Variants in CD274 observed in about 807,000 individuals in gnomAD.
CD274 encodes the protein programmed cell death 1 ligand 1.
A neutral mutation model predicts 30.1 loss-of-function variants in CD274; 8 were observed. That is an observed-to-expected ratio of 0.27 (90% CI 0.16 to 0.48). The LOEUF is 0.48. CD274 is among the 20% of genes least tolerant of loss of function. The pLI is 0.99. For missense variants in CD274, 353 were observed against 346.6 expected (o/e 1.02, Z -0.15); for synonymous variants, 152 against 124.6 (o/e 1.22, Z -1.46).
At chr9:5,463,639 TG>T (rs1221046942) in intron 4 of CD274, among the ~76,000 whole-genome samples, 4 of 152,182 alleles carry the variant, frequency 2.6e-5, no homozygotes, top group African/African-American at 9.7e-5. Flanking sequence ...TTCTCCCCGG[TG>T]CCTCTCCCAA....
chr9:5,463,441 C>A (rs1442262383), intron 4 of CD274, among the ~76,000 whole-genome samples: 1 of 152,146 alleles, frequency 6.6e-6, no homozygotes, highest in African/African-American at 2.4e-5. Context: ...AAAAAACAGG[C>A]AATCCAACAC....
At chr9:5,465,103 A>G (rs1819474592) in intron 4 of CD274, among the ~76,000 whole-genome samples, 1 of 151,600 alleles carries the variant, frequency 6.6e-6, no homozygotes, top group Admixed American at 6.6e-5. Flanking sequence ...AAAAAAAAAA[A>G]GCAAGAGGAA....
rs905982602 is a variant in CD274, at chr9:5,450,567, C to A, written c.-44C>A. The A allele has an allele frequency of 2.0e-5, 3 of 152,442 alleles. No homozygotes were observed. The East Asian group carries it at 5.8e-4, about 29-fold the overall frequency. 9.4% of individuals were successfully genotyped at this position (152,442 alleles called of 1,614,324 possible). On this transcript the variant is annotated 5_prime_UTR_variant, in exon 1 of 7. Transcript: ENST00000381577. ...AGTTCTGCGCAGCTTCCCGAGGCTC[C>A]GCACCAGCCGCGCTTCTGTCCGCCT... is the stretch of plus-strand genomic sequence containing the variant.
Position 5,453,328 on chromosome 9 carries a change from C to CA in CD274, c.-15+2739dup, listed in dbSNP as rs1283712635. 2.0e-5 allele frequency among the ~76,000 whole-genome samples: 3 copies of CA among 152,144 alleles called. No individual in the cohort carries two copies. In the East Asian group the frequency reaches 5.8e-4, roughly 29 times the overall value. On this transcript the variant is annotated intron_variant, in intron 1 of 6. Coordinates refer to ENST00000381577, the MANE Select transcript of CD274 (RefSeq NM_014143.4). ...AAAATGATCAGATCTTTCAAATTAG[C>CA]AAAAAAATAATATTTTTTAAACAAT... is the stretch of plus-strand genomic sequence containing the variant.
chr9:5,465,103 A>AG (rs1449830692), intron 4 of CD274, among the ~76,000 whole-genome samples: 1 of 151,718 alleles, frequency 6.6e-6, no homozygotes. Context: ...AAAAAAAAAA[A>AG]GCAAGAGGAA....
At chr9:5,455,929 T>C (rs1334119906) in intron 1 of CD274, among the ~76,000 whole-genome samples, 171 bp from the exon 2 acceptor site, 3 of 152,216 alleles carry the variant, frequency 2.0e-5, no homozygotes, top group African/African-American at 7.2e-5. Flanking sequence ...CTGTGGGCAA[T>C]GGAATGAAGA....
chr9:5,455,248 C>G (rs1249459522), intron 1 of CD274, among the ~76,000 whole-genome samples: 2 of 152,186 alleles, frequency 1.3e-5, no homozygotes, highest in African/African-American at 2.4e-5. Flanking sequence ...TACTCCCCTA[C>G]TTCAACATAA....
rs117172412 is a variant in CD274 at position 5,466,739 on chromosome 9, A to G, written c.791-31A>G. The G allele has an allele frequency of 5.8e-3, 9,022 of 1,554,868 alleles. 37 individuals are homozygous for G. The highest frequency in any genetic ancestry group is 7.1e-3 in the Non-Finnish European group (7,986 of 1,128,998). The stretch of plus-strand genomic sequence containing the variant: ...TGTATGGGATGTAGAGCTGTGCTAT[A>G]TGGAAATAAAAATGATTTCTTTTTC... On this transcript the variant is annotated intron_variant, in intron 5 of 6. Transcript: ENST00000381577.
At chr9:5,467,275 A>G (rs1177817360) in intron 6 of CD274, among the ~76,000 whole-genome samples, 5 of 152,152 alleles carry the variant, frequency 3.3e-5, no homozygotes, top group African/African-American at 1.2e-4. Flanking sequence ...CAGAGGGTCA[A>G]GAAGATAATG....
intron 3 of CD274, among the ~76,000 whole-genome samples, chr9:5,459,153 C>A (rs1418034116): frequency 6.6e-6 from 1 of 152,204 alleles, no homozygotes; most frequent in East Asian, 1.9e-4. Flanking sequence ...AGGAAATCTT[C>A]CGGCACTGAT....
chr9:5,455,772 A>G (rs1819290386), intron 1 of CD274, among the ~76,000 whole-genome samples: 1 of 152,232 alleles, frequency 6.6e-6, no homozygotes, highest in South Asian at 2.1e-4. Context: ...TACAATGCAG[A>G]AAAAACATGA....
chr9:5,455,693 G>T (rs1819288991), intron 1 of CD274, among the ~76,000 whole-genome samples: 1 of 152,172 alleles, frequency 6.6e-6, no homozygotes, highest in South Asian at 2.1e-4. Flanking sequence ...GCATTGACAG[G>T]TTGGAAAAGT....
chr9:5,464,295 T>C (rs1055060844), intron 4 of CD274, among the ~76,000 whole-genome samples: 2 of 152,184 alleles, frequency 1.3e-5, no homozygotes, highest in Admixed American at 6.5e-5. Flanking sequence ...ACTGAGTCTG[T>C]TTCCTCATCT....
At chr9:5,459,239 A>G (rs1819360533) in intron 3 of CD274, among the ~76,000 whole-genome samples, 1 of 152,302 alleles carries the variant, frequency 6.6e-6, no homozygotes, top group Non-Finnish European at 1.5e-5. Context: ...TTGTTTGACA[A>G]TTCCATTTTG....
At chr9:5,452,297 A>C (rs903016759) in intron 1 of CD274, among the ~76,000 whole-genome samples, 3 of 152,270 alleles carry the variant, frequency 2.0e-5, no homozygotes, top group Non-Finnish European at 2.9e-5. Context: ...GATTACAGGC[A>C]TGAGCCACTG....
intron 6 of CD274, among the ~76,000 whole-genome samples, chr9:5,467,623 G>C (rs925457175): frequency 6.6e-6 from 1 of 152,156 alleles, no homozygotes; most frequent in African/African-American, 2.4e-5. Flanking sequence ...TTTGGGTCAT[G>C]CTGGGGGACA....
chr9:5,469,842 C>G lies in CD274; in HGVS notation c.*1980C>G. On this transcript the variant is annotated 3_prime_UTR_variant, in exon 7 of 7. Transcript: ENST00000381577. ...CTAAAAAGCAATCTTATTATTAACT[C>G]TGTATGACAGAATCATGTCTGGAAC... 1 of 233,064 alleles carries G rather than the reference C, an allele frequency of 4.3e-6. No homozygotes were observed. Among genetic ancestry groups the G allele is most frequent in the Non-Finnish European group, 8.5e-6 (1 of 117,922 alleles). The allele number at this position is 233,064 out of a possible 1,614,324, so 14.4% of individuals were successfully genotyped here. A position where few individuals can be genotyped will look rare whatever the true frequency, so the allele number is the denominator to read the frequency against.
Position 5,469,842 on chromosome 9 carries a change from C to A in CD274, c.*1980C>A. 2 of 233,064 alleles carry A rather than the reference C, an allele frequency of 8.6e-6. No individual in the cohort carries two copies. Among genetic ancestry groups the A allele is most frequent in the Non-Finnish European group, 1.7e-5 (2 of 117,922 alleles). The allele number at this position is 233,064 out of a possible 1,614,324, so 14.4% of individuals were successfully genotyped here. A position where few individuals can be genotyped will look rare whatever the true frequency, so the allele number is the denominator to read the frequency against. ...CTAAAAAGCAATCTTATTATTAACTCTGTATGACAGAATCATGTCTGGAAC... is the reference window on the plus strand; with the variant it reads ...CTAAAAAGCAATCTTATTATTAACTATGTATGACAGAATCATGTCTGGAAC... On this transcript the variant is annotated 3_prime_UTR_variant, in exon 7 of 7. Transcript: ENST00000381577.
At chr9:5,462,762 T>G in intron 3 of CD274, 72 bp from the exon 4 acceptor site, 2 of 1,378,146 alleles carry the variant, frequency 1.5e-6, no homozygotes, top group Admixed American at 2.0e-5. Context: ...CTTTCTAATG[T>G]GGACAGCATC....
Sources: allele counts gnomAD v4.1 joint callset (sites outside exome capture counted in the v4.1 genomes callset), GRCh38; gene constraint gnomAD v4.1.1; transcripts MANE v1.5; gene names NCBI Gene and HGNC (gene_info 2026-07-23, HGNC 2026-07-21).